Variants in DACH1 observed in about 807,000 individuals in gnomAD.
The protein encoded by DACH1 is dachshund homolog 1.
A neutral mutation model predicts 54.2 loss-of-function variants in DACH1; 12 were observed. The observed-to-expected ratio is 0.22, with a 90% CI of 0.14 to 0.36. DACH1 has a LOEUF of 0.36. DACH1 is among the 10% of genes least tolerant of loss of function. The pLI is 1.00. For synonymous variants in DACH1, 386 were observed against 366.2 expected (o/e 1.05, Z -0.62); for missense variants, 805 against 929.8 (o/e 0.87, Z 1.75).
chr13:71,866,345 CT>C lies in DACH1; in HGVS notation c.424del (p.Ser142AlafsTer52). The C allele has an allele frequency of 6.5e-7, 1 of 1,534,864 alleles. No homozygotes were observed. Among genetic ancestry groups the C allele is most frequent in the Non-Finnish European group, 8.8e-7 (1 of 1,141,102 alleles). ...GCTGCTGCTGCTGCTACTGCTGCTG[CT>C]GCTGCTGCCGGTGCTGGCGTTGATG... ...TPINASTGSS[S>X]SSSSSSSSSS... is the part of the protein sequence containing the mutation. On this transcript the variant is annotated frameshift_variant, in exon 1 of 11. Transcript: ENST00000613252. LOFTEE classifies it high-confidence loss of function.
chr13:71,761,086 T>G (rs984101317), intron 1 of DACH1, among the ~76,000 whole-genome samples: 4 of 151,962 alleles, frequency 2.6e-5, no homozygotes, highest in Non-Finnish European at 5.9e-5. Context: ...TCACCAAATT[T>G]TAATAATTTG....
intron 6 of DACH1, among the ~76,000 whole-genome samples, chr13:71,489,650 T>G (rs1368678774): frequency 6.6e-6 from 1 of 152,142 alleles, no homozygotes. Flanking sequence ...GTTAAAATCT[T>G]TCACTTTACA....
At chr13:71,721,935 A>T (rs1883247476) in intron 1 of DACH1, among the ~76,000 whole-genome samples, 1 of 152,128 alleles carries the variant, frequency 6.6e-6, no homozygotes, top group African/African-American at 2.4e-5. Context: ...TGAATAGTGT[A>T]TCTATTAGAA....
chr13:71,458,491 C>A (rs998208706), intron 10 of DACH1, among the ~76,000 whole-genome samples: 85 of 151,804 alleles, frequency 5.6e-4, no homozygotes, highest in Non-Finnish European at 9.7e-4. Context: ...GAATTCTAGA[C>A]CTTTTACATC....
intron 1 of DACH1, among the ~76,000 whole-genome samples, chr13:71,756,931 T>C (rs1416040057): frequency 6.6e-6 from 1 of 152,142 alleles, no homozygotes; most frequent in Non-Finnish European, 1.5e-5. Context: ...ACATAGTGAA[T>C]GTAAAGGATC....
rs552323669 is a variant in DACH1, at chr13:71,676,213, C to T, written c.964+5582G>A. Among the ~76,000 whole-genome samples, 4 of 152,090 alleles carry T rather than the reference C, an allele frequency of 2.6e-5. No individual in the cohort carries two copies. In the South Asian group the frequency reaches 6.2e-4, roughly 24 times the overall value. Reference sequence around the variant, plus strand: ...TTATTATAATAAACTTCTCAACATACAAGGCACAATTTTTTTTTTGTTGAG... The same window carrying T: ...TTATTATAATAAACTTCTCAACATATAAGGCACAATTTTTTTTTTGTTGAG... On this transcript the variant is annotated intron_variant, in intron 2 of 10. Transcript: ENST00000613252.
chr13:71,843,915 G>A lies in DACH1; in HGVS notation c.848+22007C>T, dbSNP rs185781981. ...TTATTCCTTATCAATATTTAAATGA[G>A]CATACTATTTGCAAAGCATTGCAAA... On this transcript the variant is annotated intron_variant, in intron 1 of 10. Coordinates refer to ENST00000613252, the MANE Select transcript of DACH1 (RefSeq NM_080759.6). 3.6e-3 allele frequency among the ~76,000 whole-genome samples: 550 copies of A among 152,260 alleles called. 4 individuals are homozygous for A. The highest frequency in any genetic ancestry group is 6.8e-3 in the Middle Eastern group (2 of 294).
At chr13:71,500,767 T>C (rs1403543343) in intron 6 of DACH1, among the ~76,000 whole-genome samples, 1 of 152,096 alleles carries the variant, frequency 6.6e-6, no homozygotes, top group Non-Finnish European at 1.5e-5. Flanking sequence ...TATACATATA[T>C]AGACTGAACT....
At chr13:71,624,079 C>T (rs1876455703) in intron 3 of DACH1, among the ~76,000 whole-genome samples, 1 of 151,670 alleles carries the variant, frequency 6.6e-6, no homozygotes, top group African/African-American at 2.4e-5. Flanking sequence ...AGAAAAATTG[C>T]CATAAATAGT....
At position 71,476,255 on chromosome 13, in the gene DACH1, C is replaced by G. The variant is rs1055353986; in HGVS notation, c.1871-406G>C. Among the ~76,000 whole-genome samples, 138 of 152,272 alleles carry G rather than the reference C, an allele frequency of 9.1e-4. 1 individual carries two copies. Among genetic ancestry groups the G allele is most frequent in the African/African-American group, 3.2e-3 (133 of 41,544 alleles). On this transcript the variant is annotated intron_variant, in intron 8 of 10. Transcript: ENST00000613252. Reference sequence around the variant, plus strand: ...CAAACGCTTATAAGCATGCCTCCTTCCTATTTCCTCATAGGGCATCAATTT... The same window carrying G: ...CAAACGCTTATAAGCATGCCTCCTTGCTATTTCCTCATAGGGCATCAATTT...
At chr13:71,650,504 G>A (rs548469651) in intron 2 of DACH1, among the ~76,000 whole-genome samples, 37 of 152,038 alleles carry the variant, frequency 2.4e-4, no homozygotes, top group South Asian at 4.2e-4. Flanking sequence ...TTCAAACTGT[G>A]ATTCAAATTA....
At chr13:71,863,762 G>A (rs1874507285) in intron 1 of DACH1, among the ~76,000 whole-genome samples, 1 of 150,856 alleles carries the variant, frequency 6.6e-6, no homozygotes, top group Non-Finnish European at 1.5e-5. Context: ...ATTGAAGAAA[G>A]TTTTCTCCAG....
intron 1 of DACH1, among the ~76,000 whole-genome samples, chr13:71,818,989 AGAGTTAGAT>A (rs1309128962): frequency 6.6e-6 from 1 of 152,156 alleles, no homozygotes; most frequent in African/African-American, 2.4e-5. Flanking sequence ...TTAACTGGAG[AGAGTTAGAT>A]GATGTAGGGA....
chr13:71,439,629 G>A lies in DACH1; in HGVS notation c.*1026C>T, dbSNP rs1387788855. ...TAGGGTTCAATATACAAATAAAAGT[G>A]GCTGACACAGAGTTCTGATGTCACC... On this transcript the variant is annotated 3_prime_UTR_variant, in exon 11 of 11. Transcript: ENST00000613252. 6.6e-6 allele frequency: 1 copy of A among 152,346 alleles called. No homozygotes were observed. Among genetic ancestry groups the A allele is most frequent in the Non-Finnish European group, 1.5e-5 (1 of 67,900 alleles). The allele number at this position is 152,346 out of a possible 1,614,324, so 9.4% of individuals were successfully genotyped here.
At chr13:71,557,263 A>G (rs898938591) in intron 5 of DACH1, 105 bp from the exon 6 acceptor site, 103 of 809,506 alleles carry the variant, frequency 1.3e-4, no homozygotes, top group Admixed American at 3.1e-4. Context: ...CAGTAACTAT[A>G]ATATTAATAT....
At chr13:71,534,628 A>T (rs1399891079) in intron 6 of DACH1, among the ~76,000 whole-genome samples, 1 of 151,654 alleles carries the variant, frequency 6.6e-6, no homozygotes, top group East Asian at 1.9e-4. Flanking sequence ...CAGTATCTAG[A>T]TTTTAAAATT....
intron 1 of DACH1, among the ~76,000 whole-genome samples, chr13:71,735,040 G>A (rs1036514110): frequency 6.7e-6 from 1 of 148,642 alleles, no homozygotes; most frequent in Admixed American, 6.7e-5. Context: ...TATATATATG[G>A]GATATACGTA....
chr13:71,730,440 A>T (rs914979380), intron 1 of DACH1, among the ~76,000 whole-genome samples: 3 of 152,212 alleles, frequency 2.0e-5, no homozygotes, highest in African/African-American at 7.2e-5. Flanking sequence ...CACATGAAGG[A>T]CAAGTCTACT....
chr13:71,675,367 G>A (rs916750066), intron 2 of DACH1: 32 of 1,504,674 alleles, frequency 2.1e-5, no homozygotes, highest in Admixed American at 1.7e-4. Context: ...GGCCTATCTG[G>A]TTGGCCTTTT....
Sources: allele counts gnomAD v4.1 joint callset (sites outside exome capture counted in the v4.1 genomes callset), GRCh38; gene constraint gnomAD v4.1.1; transcripts MANE v1.5; gene names NCBI Gene and HGNC (gene_info 2026-07-23, HGNC 2026-07-21).